Variants in CDH13 observed in about 807,000 individuals in gnomAD.
CDH13 encodes the protein cadherin 13, also known as cadherin-13.
A neutral mutation model predicts 63.8 loss-of-function variants in CDH13; 24 were observed. The ratio of observed to expected loss-of-function variants is 0.38; its 90% confidence interval spans 0.27 to 0.53. The LOEUF is 0.53. CDH13 is among the 20% of genes least tolerant of loss of function. The pLI, the probability that CDH13 is intolerant of heterozygous loss-of-function variation, is 0.85. For synonymous variants in CDH13, 503 were observed against 355.3 expected, an observed-to-expected ratio of 1.42 and a Z score of -4.67; for missense variants, 1,049 against 903.1, an observed-to-expected ratio of 1.16 and a Z score of -2.07.
intron 10 of CDH13, among the ~76,000 whole-genome samples, chr16:83,707,262 T>C (rs971615604): frequency 1.3e-5 from 2 of 152,232 alleles, no homozygotes; most frequent in Admixed American, 6.5e-5. Flanking sequence ...AAATACTGCA[T>C]GGTCCGTAAC....
chr16:83,037,005 T>C (rs532515638), intron 3 of CDH13, among the ~76,000 whole-genome samples: 1 of 152,282 alleles, frequency 6.6e-6, no homozygotes, highest in East Asian at 1.9e-4. Flanking sequence ...GGAGGGATTC[T>C]AGATTGATAT....
chr16:82,798,807 G>C (rs2036710508), intron 1 of CDH13, among the ~76,000 whole-genome samples: 1 of 152,068 alleles, frequency 6.6e-6, no homozygotes, highest in South Asian at 2.1e-4. Flanking sequence ...TCCCAGCAAG[G>C]GATCTTGAAT....
intron 1 of CDH13, among the ~76,000 whole-genome samples, chr16:82,706,986 TC>T (rs2031545084): frequency 6.6e-6 from 1 of 152,180 alleles, no homozygotes; most frequent in Non-Finnish European, 1.5e-5. Context: ...TAGGGAGTCC[TC>T]TTTTAAGGAA....
In CDH13 at chr16:83,514,603, C is replaced by G. The variant is rs554112576; in HGVS notation, c.960+27948C>G. On this transcript the variant is annotated intron_variant, in intron 7 of 13. Coordinates refer to ENST00000567109, the MANE Select transcript of CDH13 (RefSeq NM_001257.5). ...GAGGTTGCAGTAAGCCAAGATCATA[C>G]CACTGCACTCCGGCCTGGGCAACAG... Among the ~76,000 whole-genome samples the G allele has an allele frequency of 3.9e-5, 6 of 152,250 alleles. No homozygotes were observed. In the South Asian group the frequency reaches 1.2e-3, roughly 32 times the overall value.
At chr16:82,955,106 C>A (rs1309767492) in intron 2 of CDH13, among the ~76,000 whole-genome samples, 2 of 152,162 alleles carry the variant, frequency 1.3e-5, no homozygotes, top group Non-Finnish European at 2.9e-5. Context: ...TGCCTATAAT[C>A]TTTGGTGTGG....
intron 3 of CDH13, among the ~76,000 whole-genome samples, chr16:83,094,198 A>C (rs534900057): frequency 1.3e-5 from 2 of 152,220 alleles, no homozygotes; most frequent in Non-Finnish European, 2.9e-5. Flanking sequence ...GGCAAGGCCA[A>C]CAACGCCTGG....
intron 7 of CDH13, among the ~76,000 whole-genome samples, chr16:83,574,081 C>T (rs1052768997): frequency 1.3e-5 from 2 of 151,946 alleles, no homozygotes; most frequent in African/African-American, 2.4e-5. Flanking sequence ...TTCCCAGCTG[C>T]GAAATGGGCA....
intron 4 of CDH13, among the ~76,000 whole-genome samples, chr16:83,142,023 G>C (rs928136357): frequency 6.6e-6 from 1 of 152,180 alleles, no homozygotes; most frequent in Non-Finnish European, 1.5e-5. Flanking sequence ...GGATGTACCA[G>C]TACAAGTTTC....
At position 82,708,425 on chromosome 16, in the gene CDH13, G is replaced by A. The variant is rs900240795; in HGVS notation, c.45+81288G>A. 7.1e-4 allele frequency among the ~76,000 whole-genome samples: 108 copies of A among 152,232 alleles called. 1 individual carries two copies. The highest frequency in any genetic ancestry group is 6.5e-4 in the Admixed American group (10 of 15,284). On this transcript the variant is annotated intron_variant, in intron 1 of 13. Coordinates refer to ENST00000567109, the MANE Select transcript of CDH13 (RefSeq NM_001257.5). ...AGGAGCCTATGGAGTTCAGATGAGA[G>A]CTCTCCTTCGTGCTTCTCTAGCTCT...
In CDH13 at chr16:83,745,241, G is replaced by A. The variant is rs542263610; in HGVS notation, c.1539-2867G>A. ...AAAGAACAGGCCAGACGCCTTCCAG[G>A]AAGCATCAGCAGGAGCCTCTCCTGG... On this transcript the variant is annotated intron_variant, in intron 10 of 13. Transcript: ENST00000567109. Among the ~76,000 whole-genome samples, 4 of 152,286 alleles carry A rather than the reference G, an allele frequency of 2.6e-5. No homozygotes were observed. The South Asian group carries it at 6.2e-4, about 24-fold the overall frequency.
intron 7 of CDH13, among the ~76,000 whole-genome samples, chr16:83,588,151 C>T (rs1015872210): frequency 3.8e-4 from 58 of 152,162 alleles, no homozygotes; most frequent in Non-Finnish European, 1.6e-4. Context: ...GCAGCCACAG[C>T]CTCCCTCTGC....
intron 3 of CDH13, among the ~76,000 whole-genome samples, chr16:83,115,867 G>A (rs536502254): frequency 1.5e-4 from 23 of 152,362 alleles, no homozygotes; most frequent in African/African-American, 5.1e-4. Context: ...CCAGGGTCCA[G>A]GAGGGCAGAA....
At chr16:83,331,174 C>G (rs1297692392) in intron 5 of CDH13, among the ~76,000 whole-genome samples, 2 of 152,162 alleles carry the variant, frequency 1.3e-5, no homozygotes, top group Non-Finnish European at 2.9e-5. Context: ...CTAAAACCCA[C>G]CTTTGGAATC....
chr16:82,793,550 A>G (rs886267874), intron 1 of CDH13, among the ~76,000 whole-genome samples: 1 of 152,160 alleles, frequency 6.6e-6, no homozygotes, highest in African/African-American at 2.4e-5. Flanking sequence ...TCTCATTTCC[A>G]TGTCAGTCTG....
intron 2 of CDH13, among the ~76,000 whole-genome samples, chr16:82,899,655 T>A (rs1428298331): frequency 6.6e-6 from 1 of 152,098 alleles, no homozygotes; most frequent in Non-Finnish European, 1.5e-5. Context: ...GGCCTTATAG[T>A]TTATTGAGAG....
intron 5 of CDH13, among the ~76,000 whole-genome samples, chr16:83,301,224 G>A (rs989255424): frequency 6.6e-6 from 1 of 151,638 alleles, no homozygotes; most frequent in African/African-American, 2.4e-5. Flanking sequence ...GTAGAGATGG[G>A]GTTTCACTGT....
chr16:83,041,722 A>C (rs1917346399), intron 3 of CDH13, among the ~76,000 whole-genome samples: 1 of 152,216 alleles, frequency 6.6e-6, no homozygotes, highest in Admixed American at 6.5e-5. Context: ...CAAAAATCAG[A>C]AACGAATCAC....
At chr16:83,005,677 G>C (rs1470283908) in intron 2 of CDH13, among the ~76,000 whole-genome samples, 1 of 152,214 alleles carries the variant, frequency 6.6e-6, no homozygotes, top group Non-Finnish European at 1.5e-5. Flanking sequence ...CACAGCTCAT[G>C]CATGCCTTCT....
At chr16:83,258,918 C>T (rs1461138386) in intron 5 of CDH13, among the ~76,000 whole-genome samples, 2 of 152,220 alleles carry the variant, frequency 1.3e-5, no homozygotes, top group African/African-American at 2.4e-5. Context: ...CCTCTCCTTC[C>T]ACCTTTGAAG....
Sources: gnomAD v4.1 joint callset for allele counts (sites outside exome capture counted in the v4.1 genomes callset) on GRCh38, gnomAD v4.1.1 for gene constraint, MANE v1.5 for transcripts, NCBI Gene and HGNC (gene_info 2026-07-23, HGNC 2026-07-21) for gene names.